FAR2: variants seen among roughly 807,000 people sequenced by gnomAD.
FAR2 encodes the protein epididymis secretory protein Li 81.
Under a neutral mutation model 56.0 loss-of-function variants are expected in FAR2, and 19 were observed. The observed-to-expected ratio is 0.34, with a 90% CI of 0.24 to 0.50. The LOEUF (loss-of-function observed/expected upper bound fraction) is 0.50. Among genes scored for constraint, FAR2 ranks in the 20% least tolerant of loss-of-function variants. The pLI, the probability that FAR2 is intolerant of heterozygous loss-of-function variation, is 0.98. For missense variants in FAR2, 508 were observed against 642.2 expected, an observed-to-expected ratio of 0.79 and a Z score of 2.26; for synonymous variants, 219 against 218.8, an observed-to-expected ratio of 1.00 and a Z score of -0.01.
chr12:29,212,754 T>G (rs1947566620), intron 1 of FAR2, among the ~76,000 whole-genome samples: 1 of 152,222 alleles, frequency 6.6e-6, no homozygotes, highest in South Asian at 2.1e-4. Context: ...AACTACTTCT[T>G]CTTTCTCCAT....
intron 3 of FAR2, among the ~76,000 whole-genome samples, chr12:29,293,732 G>A (rs578052744): frequency 7.2e-4 from 110 of 152,188 alleles, no homozygotes; most frequent in Middle Eastern, 6.8e-3. Flanking sequence ...TAGCGAGAAT[G>A]ATGTTTTGCA....
chr12:29,265,610 G>A (rs903333408), intron 1 of FAR2, among the ~76,000 whole-genome samples: 1 of 152,070 alleles, frequency 6.6e-6, no homozygotes, highest in Non-Finnish European at 1.5e-5. Context: ...CCAGTACATG[G>A]GTCTGGGCAA....
chr12:29,307,651 C>G lies in FAR2; in HGVS notation c.546-7C>G. On this transcript the variant is annotated splice_polypyrimidine_tract_variant and splice_region_variant and intron_variant, in intron 4 of 11. Transcript: ENST00000536681. ...GTTACTAGAATTCTCTTTACTCTAC[C>G]TTTTAGGTGGTTAGACGATGCTATT... 4 of 1,602,396 alleles carry G rather than the reference C, an allele frequency of 2.5e-6. No homozygotes were observed. Among genetic ancestry groups the G allele is most frequent in the Non-Finnish European group, 3.4e-6 (4 of 1,175,652 alleles).
intron 1 of FAR2, among the ~76,000 whole-genome samples, chr12:29,257,705 T>G (rs974252121): frequency 3.9e-5 from 6 of 152,008 alleles, no homozygotes; most frequent in African/African-American, 1.4e-4. Flanking sequence ...CTCGAAGGTC[T>G]GCAGCTTCAC....
chr12:29,261,271 G>T (rs1223355395), intron 1 of FAR2, among the ~76,000 whole-genome samples: 1 of 152,166 alleles, frequency 6.6e-6, no homozygotes, highest in Non-Finnish European at 1.5e-5. Context: ...TTCTGGAGCT[G>T]AAAAATGTAG....
intron 1 of FAR2, among the ~76,000 whole-genome samples, chr12:29,159,415 G>A (rs965733185): frequency 6.6e-6 from 1 of 151,848 alleles, no homozygotes; most frequent in Non-Finnish European, 1.5e-5. Context: ...GCAGGTGCCT[G>A]TAGTCCCAGC....
rs550127917 is a variant in FAR2 at position 29,174,641 on chromosome 12, C to T, written c.-39+25234C>T. 7.9e-5 allele frequency among the ~76,000 whole-genome samples: 12 copies of T among 151,966 alleles called. 1 individual carries two copies. Among genetic ancestry groups the T allele is most frequent in the East Asian group, 5.9e-4 (3 of 5,126 alleles). On this transcript the variant is annotated intron_variant, in intron 1 of 11. Coordinates refer to ENST00000536681, the MANE Select transcript of FAR2 (RefSeq NM_001271783.2). Reference sequence around the variant, plus strand: ...TTCACTGTGTTAGCCAGGATGGTCTCGATCTCCTGACCTCATGATCCACCC... The same window carrying T: ...TTCACTGTGTTAGCCAGGATGGTCTTGATCTCCTGACCTCATGATCCACCC...
chr12:29,333,836 C>A lies in FAR2; in HGVS notation c.*42C>A, dbSNP rs1302759898. 7 of 1,553,384 alleles carry A rather than the reference C, an allele frequency of 4.5e-6. No homozygotes were observed. The highest frequency in any genetic ancestry group is 1.4e-5 in the African/African-American group (1 of 73,066). The stretch of plus-strand genomic sequence containing the variant: ...CTTTTTATCTGGAACCTCTCAGATA[C>A]CTCTAAAACAGCAAACTGTGATTCT... On this transcript the variant is annotated 3_prime_UTR_variant, in exon 12 of 12. Transcript: ENST00000536681.
intron 1 of FAR2, among the ~76,000 whole-genome samples, chr12:29,171,011 TAGATA>T (rs1445522340): frequency 6.6e-6 from 1 of 152,270 alleles, no homozygotes; most frequent in African/African-American, 2.4e-5. Context: ...CATGTGGGAT[TAGATA>T]AGCATACTTA....
chr12:29,262,167 A>C (rs1218854557), intron 1 of FAR2, among the ~76,000 whole-genome samples: 1 of 152,192 alleles, frequency 6.6e-6, no homozygotes, highest in African/African-American at 2.4e-5. Context: ...TGGCAAGATG[A>C]AGTTAAAGTG....
intron 1 of FAR2, among the ~76,000 whole-genome samples, chr12:29,185,520 G>A (rs964642644): frequency 6.6e-6 from 1 of 152,144 alleles, no homozygotes; most frequent in Admixed American, 6.5e-5. Flanking sequence ...GAATGATTTT[G>A]TAGTTCAGCC....
chr12:29,252,386 A>T (rs937804756), intron 1 of FAR2, among the ~76,000 whole-genome samples: 12 of 152,318 alleles, frequency 7.9e-5, no homozygotes, highest in African/African-American at 2.9e-4. Context: ...AGGAAAAGGG[A>T]ACATGGAATG....
At chr12:29,154,421 TTTTTG>T (rs5797306) in intron 1 of FAR2, among the ~76,000 whole-genome samples, 26 of 150,380 alleles carry the variant, frequency 1.7e-4, no homozygotes, top group South Asian at 6.3e-4. Flanking sequence ...TTTGTTTTTT[TTTTTG>T]TTTTGTTTTG....
chr12:29,188,270 C>A (rs1950063446), intron 1 of FAR2, among the ~76,000 whole-genome samples: 1 of 152,094 alleles, frequency 6.6e-6, no homozygotes, highest in Admixed American at 6.6e-5. Context: ...TAGTGAGGTC[C>A]ATAAAACCTC....
In FAR2 at chr12:29,307,840, G is replaced by T. The variant is rs766160079; in HGVS notation, c.723+5G>T. On this transcript the variant is annotated splice_donor_5th_base_variant and intron_variant, in intron 5 of 11. Coordinates refer to ENST00000536681, the MANE Select transcript of FAR2 (RefSeq NM_001271783.2). ...ACTTGGCAGGAGCCTTTCCCAGTAAGCCCACTTACCTGGATTCTGTGTTTT... is the reference window on the plus strand; with the variant it reads ...ACTTGGCAGGAGCCTTTCCCAGTAATCCCACTTACCTGGATTCTGTGTTTT... 2 of 1,607,592 alleles carry T rather than the reference G, an allele frequency of 1.2e-6. No individual in the cohort carries two copies. Among genetic ancestry groups the T allele is most frequent in the African/African-American group, 2.7e-5 (2 of 74,548 alleles).
At chr12:29,261,954 T>C (rs114778503) in intron 1 of FAR2, among the ~76,000 whole-genome samples, 4,580 of 152,324 alleles carry the variant, frequency 0.03, 229 homozygotes, top group African/African-American at 0.1. Context: ...AGGATGTTAA[T>C]GAGCAAGAAG....
intron 1 of FAR2, among the ~76,000 whole-genome samples, chr12:29,239,015 G>T (rs1016224852): frequency 6.6e-6 from 1 of 152,132 alleles, no homozygotes; most frequent in Admixed American, 6.5e-5. Flanking sequence ...CACCTGATTA[G>T]GTCAGGCCAG....
At chr12:29,215,593 C>T (rs927659866) in intron 1 of FAR2, among the ~76,000 whole-genome samples, 1 of 152,128 alleles carries the variant, frequency 6.6e-6, no homozygotes, top group African/African-American at 2.4e-5. Context: ...TCAATATGCA[C>T]TTTTAGGTAA....
intron 1 of FAR2, among the ~76,000 whole-genome samples, chr12:29,185,421 C>T (rs1163326504): frequency 1.3e-5 from 2 of 152,100 alleles, no homozygotes; most frequent in African/African-American, 4.8e-5. Flanking sequence ...AACATGTATA[C>T]AAATGAATAA....
Sources: gnomAD v4.1 joint callset for allele counts (sites outside exome capture counted in the v4.1 genomes callset) on GRCh38, gnomAD v4.1.1 for gene constraint, MANE v1.5 for transcripts, NCBI Gene and HGNC (gene_info 2026-07-23, HGNC 2026-07-21) for gene names.